The following EXOC4 variants were observed in gnomAD, a reference collection of about 807,000 sequenced individuals.
EXOC4 encodes the protein SEC8-like 1.
EXOC4 carries 71 observed loss-of-function variants against 107.2 expected under a neutral mutation model. The ratio of observed to expected loss-of-function variants is 0.66; its 90% CI spans 0.55 to 0.81. The LOEUF (loss-of-function observed/expected upper bound fraction) is 0.81. Ranked by LOEUF, EXOC4 falls within the 30% of genes least tolerant of loss-of-function variation. The pLI is 0.00. For synonymous variants in EXOC4, 456 were observed against 441.2 expected, an observed-to-expected ratio of 1.03 and a Z score of -0.42; for missense variants, 1,108 against 1,189.6, an observed-to-expected ratio of 0.93 and a Z score of 1.01.
intron 7 of EXOC4, among the ~76,000 whole-genome samples, chr7:133,436,987 A>G (rs1797991119): frequency 6.6e-6 from 1 of 152,112 alleles, no homozygotes; most frequent in African/African-American, 2.4e-5. Flanking sequence ...CTGAGTGACT[A>G]TGGATGGGTT....
At position 133,997,357 on chromosome 7, in the gene EXOC4, C is replaced by T. The variant is rs141241870; in HGVS notation, c.2207-135C>T. On this transcript the variant is annotated intron_variant, in intron 14 of 17. Transcript: ENST00000253861. ...CAAATATAGAAATTGTCTATCATGT[C>T]TTGGACTTCTAATGCTGCCAACACT... 259 of 835,308 alleles carry T rather than the reference C, an allele frequency of 3.1e-4. 2 individuals are homozygous for T. In the East Asian group the frequency reaches 5.3e-3, roughly 17 times the overall value. The allele number at this position is 835,308 out of a possible 1,614,324, so 51.7% of individuals were successfully genotyped here.
intron 10 of EXOC4, among the ~76,000 whole-genome samples, chr7:133,764,118 T>C (rs1002027200): frequency 6.6e-6 from 1 of 152,066 alleles, no homozygotes; most frequent in African/African-American, 2.4e-5. Flanking sequence ...ATTAGCAAGG[T>C]GCCAGGCACA....
Position 134,064,604 on chromosome 7 carries a change from T to C in EXOC4, c.*76T>C, listed in dbSNP as rs1796143835. On this transcript the variant is annotated 3_prime_UTR_variant, in exon 18 of 18. Coordinates refer to ENST00000253861, the MANE Select transcript of EXOC4 (RefSeq NM_021807.4). ...TTTCCTTGGTATGTTATTGAGTATA[T>C]TCTGAGCTTAGTTTTCTCTACAGTG... 5 of 982,948 alleles carry C rather than the reference T, an allele frequency of 5.1e-6. No individual in the cohort carries two copies. In the Admixed American group the frequency reaches 9.6e-5, roughly 19 times the overall value. The allele number at this position is 982,948 out of a possible 1,614,324, so 60.9% of individuals were successfully genotyped here.
chr7:133,933,648 C>G (rs1412692477), intron 13 of EXOC4, among the ~76,000 whole-genome samples: 1 of 152,188 alleles, frequency 6.6e-6, no homozygotes, highest in Non-Finnish European at 1.5e-5. Flanking sequence ...GTCCAGTTGC[C>G]AGGCAGCAGC....
rs1456803230 is a variant in EXOC4 at position 133,282,834 on chromosome 7, G to T, written c.277-6088G>T. 2.0e-5 allele frequency among the ~76,000 whole-genome samples: 3 copies of T among 152,068 alleles called. No individual in the cohort carries two copies. The South Asian group carries it at 6.2e-4, about 32-fold the overall frequency. ...TCAATTTTCAGGCATACAATACATT[G>T]TTATTAACTGTAGTCACCATGTTGT... On this transcript the variant is annotated intron_variant, in intron 2 of 17. Coordinates refer to ENST00000253861, the MANE Select transcript of EXOC4 (RefSeq NM_021807.4).
intron 11 of EXOC4, among the ~76,000 whole-genome samples, chr7:133,878,148 C>A (rs943346076): frequency 2.6e-5 from 4 of 152,194 alleles, no homozygotes; most frequent in African/African-American, 9.7e-5. Flanking sequence ...ATCAAGATAG[C>A]ATTATCACTA....
At chr7:133,788,584 C>T (rs992860824) in intron 10 of EXOC4, among the ~76,000 whole-genome samples, 1 of 152,048 alleles carries the variant, frequency 6.6e-6, no homozygotes, top group African/African-American at 2.4e-5. Context: ...CCTCCACCTC[C>T]CGGGTTCAAG....
intron 7 of EXOC4, among the ~76,000 whole-genome samples, chr7:133,433,615 C>T (rs1797902748): frequency 6.6e-6 from 1 of 152,176 alleles, no homozygotes; most frequent in East Asian, 1.9e-4. Flanking sequence ...GTTTGTTACT[C>T]AGTATTGTGG....
chr7:133,507,439 A>G (rs891029537), intron 9 of EXOC4, among the ~76,000 whole-genome samples: 1 of 152,208 alleles, frequency 6.6e-6, no homozygotes, highest in African/African-American at 2.4e-5. Flanking sequence ...CAGCATCTGT[A>G]CTTTTCAGAA....
chr7:133,686,936 T>C (rs1006101091), intron 10 of EXOC4, among the ~76,000 whole-genome samples: 3 of 151,708 alleles, frequency 2.0e-5, no homozygotes, highest in African/African-American at 7.3e-5. Context: ...AATTCGCAAT[T>C]GCAAAAATAC....
Position 133,539,166 on chromosome 7 carries a change from T to C in EXOC4, c.1417+59028T>C, listed in dbSNP as rs138021916. 2.2e-3 allele frequency among the ~76,000 whole-genome samples: 340 copies of C among 152,190 alleles called. 3 individuals are homozygous for C. The highest frequency in any genetic ancestry group is 3.5e-3 in the Non-Finnish European group (236 of 67,998). ...TACCTAGACACACACATACATGTCT[T>C]ATATTACAGAGAGTGAGACAGAGGG... On this transcript the variant is annotated intron_variant, in intron 9 of 17. Coordinates refer to ENST00000253861, the MANE Select transcript of EXOC4 (RefSeq NM_021807.4).
intron 7 of EXOC4, among the ~76,000 whole-genome samples, chr7:133,378,958 C>T (rs1413362881): frequency 6.6e-6 from 1 of 151,952 alleles, no homozygotes; most frequent in Non-Finnish European, 1.5e-5. Context: ...AACCAAGACC[C>T]AACCATGCTG....
intron 9 of EXOC4, among the ~76,000 whole-genome samples, chr7:133,486,519 T>C (rs1799272891): frequency 6.6e-6 from 1 of 152,198 alleles, no homozygotes; most frequent in African/African-American, 2.4e-5. Context: ...AGAAGCACTT[T>C]CAAAACTTTA....
intron 6 of EXOC4, among the ~76,000 whole-genome samples, chr7:133,360,475 G>A (rs963610944): frequency 4.6e-5 from 7 of 152,190 alleles, no homozygotes; most frequent in South Asian, 4.1e-4. Flanking sequence ...TGCAGAAGGC[G>A]TTGAGTGAGT....
chr7:133,644,962 G>C lies in EXOC4; in HGVS notation c.1514+14821G>C, dbSNP rs138396340. 2.2e-4 allele frequency among the ~76,000 whole-genome samples: 34 copies of C among 152,184 alleles called. 1 individual carries two copies. The East Asian group carries it at 4.4e-3, about 20-fold the overall frequency. ...TGAGCCACAGTGCTCAGCCATAGCT[G>C]TATCCCCTTTGCATCTTTGTATGTG... On this transcript the variant is annotated intron_variant, in intron 10 of 17. Coordinates refer to ENST00000253861, the MANE Select transcript of EXOC4 (RefSeq NM_021807.4).
At chr7:133,425,818 A>G (rs576288592) in intron 7 of EXOC4, among the ~76,000 whole-genome samples, 22 of 152,312 alleles carry the variant, frequency 1.4e-4, no homozygotes, top group South Asian at 4.1e-4. Context: ...ATTCATTTCT[A>G]TTGATCCCAG....
intron 10 of EXOC4, among the ~76,000 whole-genome samples, chr7:133,693,468 C>T (rs1168898808): frequency 6.6e-6 from 1 of 152,092 alleles, no homozygotes; most frequent in Non-Finnish European, 1.5e-5. Flanking sequence ...AAATGTTAAT[C>T]TCCTTTGGCG....
intron 9 of EXOC4, among the ~76,000 whole-genome samples, chr7:133,516,986 A>C (rs1799889151): frequency 6.6e-6 from 1 of 151,934 alleles, no homozygotes; most frequent in African/African-American, 2.4e-5. Flanking sequence ...AAATGCATAT[A>C]TCTATTTATC....
intron 11 of EXOC4, among the ~76,000 whole-genome samples, chr7:133,879,588 TCTGA>T (rs1276437868): frequency 6.6e-6 from 1 of 152,320 alleles, no homozygotes; most frequent in African/African-American, 2.4e-5. Flanking sequence ...ATGAGTTTTG[TCTGA>T]CTTTCTCTCT....
Sources: allele counts gnomAD v4.1 joint callset (sites outside exome capture counted in the v4.1 genomes callset), GRCh38; gene constraint gnomAD v4.1.1; transcripts MANE v1.5; gene names NCBI Gene and HGNC (gene_info 2026-07-23, HGNC 2026-07-21).